CCDC102B: variants seen among roughly 807,000 people sequenced by gnomAD.
The protein encoded by CCDC102B is coiled-coil domain-containing protein 102B.
CCDC102B carries 75 observed loss-of-function variants against 57.4 expected under a neutral mutation model. The observed-to-expected ratio is 1.31, with a 90% CI of 1.08 to 1.58. The LOEUF (loss-of-function observed/expected upper bound fraction) is 1.58, where lower values mean the gene tolerates loss of function less well. Ranked by LOEUF, CCDC102B falls within the 40% of genes most tolerant of loss-of-function variation. CCDC102B has a pLI of 0.00. For synonymous variants in CCDC102B, 206 were observed against 201.9 expected, an observed-to-expected ratio of 1.02 and a Z score of -0.17; for missense variants, 636 against 582.6, an observed-to-expected ratio of 1.09 and a Z score of -0.94.
intron 6 of CCDC102B, among the ~76,000 whole-genome samples, chr18:69,002,755 C>T (rs1040129607): frequency 6.6e-5 from 10 of 151,968 alleles, no homozygotes; most frequent in African/African-American, 9.7e-5. Flanking sequence ...TTAGAAACGA[C>T]GTATACTTCA....
At chr18:68,956,353 T>TATATATTA (rs2049854106) in intron 6 of CCDC102B, among the ~76,000 whole-genome samples, 1 of 1,984 alleles carries the variant, frequency 5.0e-4, no homozygotes, top group Non-Finnish European at 1.2e-3. Flanking sequence ...TATATATTAA[T>TATATATTA]ATATATAATA....
intron 6 of CCDC102B, among the ~76,000 whole-genome samples, chr18:68,942,945 T>A (rs56265429): frequency 0.52 from 59,979 of 115,666 alleles, 17,738 homozygotes; most frequent in Non-Finnish European, 0.64. Context: ...GGCCTTCCGC[T>A]GTGTTTTGTG....
chr18:68,751,077 A>C (rs770163846), intron 2 of CCDC102B, among the ~76,000 whole-genome samples: 4 of 152,200 alleles, frequency 2.6e-5, no homozygotes, highest in Non-Finnish European at 4.4e-5. Flanking sequence ...CTGCACAGAG[A>C]GATAAAACAA....
At chr18:68,862,331 A>G (rs530259845) in intron 4 of CCDC102B, among the ~76,000 whole-genome samples, 94 of 152,292 alleles carry the variant, frequency 6.2e-4, no homozygotes, top group Admixed American at 5.7e-3. Flanking sequence ...GCCATCAGCT[A>G]AAATGTGTAA....
In CCDC102B at chr18:68,771,411, C is replaced by T. The variant is rs1051442796; in HGVS notation, c.-66-51955C>T. ...TCTAAACATGTAAAATCATCAGGGA[C>T]GTAGTGTGTCAGGGTGCAAAATAAC... On this transcript the variant is annotated intron_variant, in intron 2 of 3. Transcript: ENST00000578970. Among the ~76,000 whole-genome samples the T allele has an allele frequency of 7.9e-5, 12 of 152,274 alleles. No individual in the cohort carries two copies. In the Middle Eastern group the frequency reaches 0.01, roughly 129 times the overall value.
intron 2 of CCDC102B, among the ~76,000 whole-genome samples, chr18:68,791,894 T>C (rs1043616589): frequency 1.5e-4 from 23 of 152,134 alleles, no homozygotes; most frequent in African/African-American, 5.6e-4. Context: ...ACAGTGTATC[T>C]CAACTGATAG....
intron 1 of CCDC102B, among the ~76,000 whole-genome samples, chr18:68,827,117 A>T (rs150478286): frequency 1.4e-3 from 207 of 152,304 alleles, no homozygotes; most frequent in African/African-American, 4.8e-3. Flanking sequence ...AAGACACCAG[A>T]TCAAGGAAAG....
chr18:68,758,910 G>A (rs1599418766), intron 2 of CCDC102B, among the ~76,000 whole-genome samples: 1 of 146,882 alleles, frequency 6.8e-6, no homozygotes, highest in East Asian at 2.0e-4. Flanking sequence ...CTTAAAACAA[G>A]CAAAATCTAT....
chr18:68,717,713 T>C (rs550392092), intron 2 of CCDC102B, among the ~76,000 whole-genome samples: 1 of 152,312 alleles, frequency 6.6e-6, no homozygotes, highest in Non-Finnish European at 1.5e-5. Flanking sequence ...TGATAATTTT[T>C]TTTGAGATTT....
At chr18:68,869,552 C>T (rs902414946) in intron 4 of CCDC102B, among the ~76,000 whole-genome samples, 5 of 152,184 alleles carry the variant, frequency 3.3e-5, no homozygotes, top group African/African-American at 7.2e-5. Context: ...TGAGTGGAAG[C>T]TCCAAGACTG....
At position 68,885,597 on chromosome 18, in the gene CCDC102B, T is replaced by C. The variant is rs189193568; in HGVS notation, c.1053+10812T>C. On this transcript the variant is annotated intron_variant, in intron 5 of 7. Coordinates refer to ENST00000360242, the MANE Select transcript of CCDC102B (RefSeq NM_024781.3). ...GAAATTATAAAACAATGTAGGTAAA[T>C]GTTTAAAATTCTGAAGAAAGTGATT... Among the ~76,000 whole-genome samples the C allele has an allele frequency of 1.9e-4, 29 of 152,190 alleles. No individual in the cohort carries two copies. In the East Asian group the frequency reaches 5.2e-3, roughly 27 times the overall value.
intron 7 of CCDC102B, among the ~76,000 whole-genome samples, chr18:69,029,166 C>G (rs2052071716): frequency 1.3e-5 from 2 of 152,156 alleles, no homozygotes; most frequent in Non-Finnish European, 2.9e-5. Flanking sequence ...CCCAATACCA[C>G]TCAGTACTTT....
At chr18:68,938,731 G>T (rs984006962) in intron 6 of CCDC102B, among the ~76,000 whole-genome samples, 4 of 150,296 alleles carry the variant, frequency 2.7e-5, no homozygotes, top group African/African-American at 4.9e-5. Context: ...AATTTATTTT[G>T]GATACATTCC....
rs114430360 is a variant in CCDC102B, at chr18:68,801,129, G to A, written c.-16+2948G>A. Among the ~76,000 whole-genome samples, 706 of 152,062 alleles carry A rather than the reference G, an allele frequency of 4.6e-3. 2 individuals carry two copies. The highest frequency in any genetic ancestry group is 0.017 in the Middle Eastern group (5 of 294). On this transcript the variant is annotated intron_variant, in intron 1 of 7. Coordinates refer to ENST00000360242, the MANE Select transcript of CCDC102B (RefSeq NM_024781.3). ...TTTACTGAAGGAGTATCTTTTTGCC[G>A]TACACGAAAACAGATGAGGATAGTT... is the stretch of plus-strand genomic sequence containing the variant.
chr18:68,980,868 C>G (rs2050561304), intron 6 of CCDC102B, among the ~76,000 whole-genome samples: 1 of 151,966 alleles, frequency 6.6e-6, no homozygotes, highest in Non-Finnish European at 1.5e-5. Context: ...CTGGATTTTA[C>G]TCTGAGATAA....
intron 7 of CCDC102B, among the ~76,000 whole-genome samples, chr18:69,044,980 C>T (rs550469692): frequency 5.9e-5 from 9 of 152,020 alleles, no homozygotes; most frequent in Non-Finnish European, 8.8e-5. Context: ...TGCAGATGGC[C>T]GCCTTCTTGC....
intron 7 of CCDC102B, among the ~76,000 whole-genome samples, chr18:69,022,238 G>A (rs969321483): frequency 2.2e-5 from 3 of 134,174 alleles, no homozygotes; most frequent in African/African-American, 3.6e-5. Context: ...ACACACACGC[G>A]TGCGTGTGCA....
intron 7 of CCDC102B, among the ~76,000 whole-genome samples, chr18:69,028,355 C>T (rs908241415): frequency 4.6e-5 from 7 of 152,072 alleles, no homozygotes; most frequent in Non-Finnish European, 7.4e-5. Flanking sequence ...AGCTGAAATG[C>T]GTCTGAATGT....
chr18:68,982,512 C>T (rs987658730), intron 6 of CCDC102B, among the ~76,000 whole-genome samples: 2 of 151,942 alleles, frequency 1.3e-5, no homozygotes, highest in Non-Finnish European at 2.9e-5. Flanking sequence ...TCTTCCCCCA[C>T]TCTATAACAA....
Sources: gnomAD v4.1 joint callset for allele counts (sites outside exome capture counted in the v4.1 genomes callset) on GRCh38, gnomAD v4.1.1 for gene constraint, MANE v1.5 for transcripts, NCBI Gene and HGNC (gene_info 2026-07-23, HGNC 2026-07-21) for gene names.